OR4D9: variants seen among roughly 807,000 people sequenced by gnomAD.
The protein encoded by OR4D9 is olfactory receptor family 4 subfamily D member 9.
A neutral mutation model predicts 0.8 loss-of-function variants in OR4D9; 2 were observed. The observed-to-expected ratio is 2.58, with a 90% CI of 1.06 to 8.13. OR4D9 has a LOEUF of 8.13. Ranked by LOEUF, OR4D9 falls within the 30% of genes most tolerant of loss-of-function variation. The pLI is 0.04. For synonymous variants in OR4D9, 146 were observed against 151.2 expected (o/e 0.97, Z 0.25); for missense variants, 399 against 384.7 (o/e 1.04, Z -0.31).
rs1366113321 is a variant in OR4D9 at position 59,518,013 on chromosome 11, T to C, written c.*2156T>C. ...CTATACACAGTGATCTCACCACTCC[T>C]TTACCTGTGCCACTCAATCTATTAG... On this transcript the variant is annotated 3_prime_UTR_variant, in exon 3 of 3. Coordinates refer to ENST00000641962, the MANE Select transcript of OR4D9 (RefSeq NM_001004711.2). The C allele has an allele frequency of 6.6e-6, 1 of 152,146 alleles. No individual in the cohort carries two copies. The highest frequency in any genetic ancestry group is 1.5e-5 in the Non-Finnish European group (1 of 68,018). 9.4% of individuals were successfully genotyped at this position (152,146 alleles called of 1,614,324 possible).
rs186109629 is a variant in OR4D9 at position 59,517,323 on chromosome 11, T to A, written c.*1466T>A. ...AGATTGTGCCACATTTGTGTAACAG[T>A]GAACTCAGTGCAGCCATGGCGTAAT... is the stretch of plus-strand genomic sequence containing the variant. On this transcript the variant is annotated 3_prime_UTR_variant, in exon 3 of 3. Coordinates refer to ENST00000641962, the MANE Select transcript of OR4D9 (RefSeq NM_001004711.2). 4 of 151,820 alleles carry A rather than the reference T, an allele frequency of 2.6e-5. No homozygotes were observed. In the East Asian group the frequency reaches 7.7e-4, roughly 29 times the overall value. The allele number at this position is 151,820 out of a possible 1,614,324, so 9.4% of individuals were successfully genotyped here. A position where few individuals can be genotyped will look rare whatever the true frequency, so the allele number is the denominator to read the frequency against.
At position 59,517,064 on chromosome 11, in the gene OR4D9, G is replaced by A. The variant is rs1478833960; in HGVS notation, c.*1207G>A. 2.0e-5 allele frequency: 3 copies of A among 151,516 alleles called. No homozygotes were observed. Among genetic ancestry groups the A allele is most frequent in the African/African-American group, 7.3e-5 (3 of 41,210 alleles). 9.4% of individuals were successfully genotyped at this position (151,516 alleles called of 1,614,324 possible). On this transcript the variant is annotated 3_prime_UTR_variant, in exon 3 of 3. Coordinates refer to ENST00000641962, the MANE Select transcript of OR4D9 (RefSeq NM_001004711.2). ...AGCCTGGGCAACAGAGCAAGACTCTGTCCAAAAATAATAATAATAATTAAT... is the reference window on the plus strand; with the variant it reads ...AGCCTGGGCAACAGAGCAAGACTCTATCCAAAAATAATAATAATAATTAAT...
rs764746868 is a variant in OR4D9, at chr11:59,515,699, A to G, written c.787A>G (p.Thr263Ala). The G allele has an allele frequency of 1.2e-6, 2 of 1,614,036 alleles. No homozygotes were observed. The highest frequency in any genetic ancestry group is 4.5e-5 in the East Asian group (2 of 44,874). Residue 263 changes from threonine to alanine, a missense_variant, in exon 3 of 3, where the codon ACT (threonine) becomes GCT (alanine). Thr to Ala is a moderately conservative substitution (Grantham distance 58). Coordinates refer to ENST00000641962, the MANE Select transcript of OR4D9 (RefSeq NM_001004711.2). ...PCIYVYARPF[T>A]ALPTDTAISV... ...CATCTATGTCTATGCCCGGCCCTTC[A>G]CTGCCCTCCCCACAGACACTGCCAT...
In OR4D9 at chr11:59,518,213, A is replaced by G. The variant is rs530116044; in HGVS notation, c.*2356A>G. 4.6e-5 allele frequency: 7 copies of G among 152,362 alleles called. No individual in the cohort carries two copies. In the South Asian group the frequency reaches 1.5e-3, roughly 32 times the overall value. 9.4% of individuals were successfully genotyped at this position (152,362 alleles called of 1,614,324 possible). A position where few individuals can be genotyped will look rare whatever the true frequency, so the allele number is the denominator to read the frequency against. On this transcript the variant is annotated 3_prime_UTR_variant, in exon 3 of 3. Transcript: ENST00000641962. Reference sequence around the variant, plus strand: ...CATACTGTGTTCCCCACTATGATAAAGCTCAAGCCATAGCAGCTGGCACAC... The same window carrying G: ...CATACTGTGTTCCCCACTATGATAAGGCTCAAGCCATAGCAGCTGGCACAC...
chr11:59,514,163 A>G (rs1206707324), intron 1 of OR4D9, among the ~76,000 whole-genome samples: 6 of 152,224 alleles, frequency 3.9e-5, no homozygotes, highest in Non-Finnish European at 7.3e-5. Flanking sequence ...GTATAAAACT[A>G]TATTTATATA....
Position 59,519,309 on chromosome 11 carries a change from G to A in OR4D9, c.*3452G>A, listed in dbSNP as rs1378278607. ...GTCAAGGGTGCAGCGAGCCATGAAT[G>A]CCCCACCGTACTCCCACCTGGGCAA... On this transcript the variant is annotated 3_prime_UTR_variant, in exon 3 of 3. Transcript: ENST00000641962. 3.3e-5 allele frequency: 5 copies of A among 151,522 alleles called. No individual in the cohort carries two copies. Among genetic ancestry groups the A allele is most frequent in the Admixed American group, 1.3e-4 (2 of 15,140 alleles). The allele number at this position is 151,522 out of a possible 1,614,324, so 9.4% of individuals were successfully genotyped here.
At position 59,518,208 on chromosome 11, in the gene OR4D9, G is replaced by A. The variant is rs919783852; in HGVS notation, c.*2351G>A. On this transcript the variant is annotated 3_prime_UTR_variant, in exon 3 of 3. Transcript: ENST00000641962. ...TTCACCATACTGTGTTCCCCACTATGATAAAGCTCAAGCCATAGCAGCTGG... is the reference window on the plus strand; with the variant it reads ...TTCACCATACTGTGTTCCCCACTATAATAAAGCTCAAGCCATAGCAGCTGG... 3 of 152,222 alleles carry A rather than the reference G, an allele frequency of 2.0e-5. No homozygotes were observed. Among genetic ancestry groups the A allele is most frequent in the African/African-American group, 7.2e-5 (3 of 41,444 alleles). 9.4% of individuals were successfully genotyped at this position (152,222 alleles called of 1,614,324 possible). A position where few individuals can be genotyped will look rare whatever the true frequency, so the allele number is the denominator to read the frequency against.
At chr11:59,513,539 A>C (rs1395689546) in intron 1 of OR4D9, among the ~76,000 whole-genome samples, 1 of 152,220 alleles carries the variant, frequency 6.6e-6, no homozygotes, top group Admixed American at 6.5e-5. Context: ...TATAGTGTAA[A>C]TCATTCTCAT....
rs1859408061 is a variant in OR4D9, at chr11:59,516,531, G to T, written c.*674G>T. 1 of 151,924 alleles carries T rather than the reference G, an allele frequency of 6.6e-6. No individual in the cohort carries two copies. The allele number at this position is 151,924 out of a possible 1,614,324, so 9.4% of individuals were successfully genotyped here. On this transcript the variant is annotated 3_prime_UTR_variant, in exon 3 of 3. Coordinates refer to ENST00000641962, the MANE Select transcript of OR4D9 (RefSeq NM_001004711.2). ...AAAATAAATAAACAAAGTGCTAGGG[G>T]AACTGTAGCCACAATATTACTTGAG...
At position 59,518,336 on chromosome 11, in the gene OR4D9, C is replaced by A. The variant is rs1859431179; in HGVS notation, c.*2479C>A. 1 of 152,198 alleles carries A rather than the reference C, an allele frequency of 6.6e-6. No homozygotes were observed. Among genetic ancestry groups the A allele is most frequent in the Non-Finnish European group, 1.5e-5 (1 of 68,092 alleles). 9.4% of individuals were successfully genotyped at this position (152,198 alleles called of 1,614,324 possible). On this transcript the variant is annotated 3_prime_UTR_variant, in exon 3 of 3. Transcript: ENST00000641962. Reference sequence around the variant, plus strand: ...TTTACTTCTTGCTCATGTCACAGGCCAATGCTGGTCTGCAGAAAGAGGGCA... The same window carrying A: ...TTTACTTCTTGCTCATGTCACAGGCAAATGCTGGTCTGCAGAAAGAGGGCA...
rs1859415948 is a variant in OR4D9 at position 59,517,165 on chromosome 11, G to A, written c.*1308G>A. On this transcript the variant is annotated 3_prime_UTR_variant, in exon 3 of 3. Coordinates refer to ENST00000641962, the MANE Select transcript of OR4D9 (RefSeq NM_001004711.2). ...TACTTGAGAGACTGAGGCAGGAGAG[G>A]TTGAGGCTGCAGTGAGCCATGTTCA... 1 of 151,846 alleles carries A rather than the reference G, an allele frequency of 6.6e-6. No homozygotes were observed. The highest frequency in any genetic ancestry group is 2.4e-5 in the African/African-American group (1 of 41,298). 9.4% of individuals were successfully genotyped at this position (151,846 alleles called of 1,614,324 possible). A position where few individuals can be genotyped will look rare whatever the true frequency, so the allele number is the denominator to read the frequency against.
In OR4D9 at chr11:59,515,977, AAGTTATTCCATCATATATGTTGGGGAC is replaced by A; in HGVS notation, c.*121_*147del. 1 of 727,192 alleles carries A rather than the reference AAGTTATTCCATCATATATGTTGGGGAC, an allele frequency of 1.4e-6. No homozygotes were observed. The allele number at this position is 727,192 out of a possible 1,614,324, so 45.0% of individuals were successfully genotyped here. ...TATGGCCACCATCGAGTCCTAAAAG[AAGTTATTCCATCATATATGTTGGGGAC>A]CACGTGGATGATACTGCTCTAAGAC... On this transcript the variant is annotated 3_prime_UTR_variant, in exon 3 of 3. Transcript: ENST00000641962.
Position 59,515,089 on chromosome 11 carries a change from GTA to G in OR4D9, c.178_179del (p.Tyr60LeufsTer10). 6.2e-7 allele frequency: 1 copy of G among 1,614,124 alleles called. No individual in the cohort carries two copies. Among genetic ancestry groups the G allele is most frequent in the East Asian group, 2.2e-5 (1 of 44,872 alleles). On this transcript the variant is annotated frameshift_variant, in exon 3 of 3. Transcript: ENST00000641962. LOFTEE classifies it low-confidence loss of function (END_TRUNC). ...GTGAATCTCACCTTCATACGCCCAT[GTA>G]CTTCCTGCTCCGCAACCTGTCTATT... ...TCESHLHTPM[Y>X]FLLRNLSILD...
rs957958583 is a variant in OR4D9, at chr11:59,519,059, T to C, written c.*3202T>C. The C allele has an allele frequency of 6.6e-6, 1 of 152,138 alleles. No homozygotes were observed. The highest frequency in any genetic ancestry group is 2.4e-5 in the African/African-American group (1 of 41,436). 9.4% of individuals were successfully genotyped at this position (152,138 alleles called of 1,614,324 possible). A position where few individuals can be genotyped will look rare whatever the true frequency, so the allele number is the denominator to read the frequency against. ...AAAGGATTCTCTTAATACATAAAAATGTTTGCTACAGGGCTGGCTGCGGTG... is the reference window on the plus strand; with the variant it reads ...AAAGGATTCTCTTAATACATAAAAACGTTTGCTACAGGGCTGGCTGCGGTG... On this transcript the variant is annotated 3_prime_UTR_variant, in exon 3 of 3. Transcript: ENST00000641962.
intron 1 of OR4D9, among the ~76,000 whole-genome samples, chr11:59,512,783 G>A (rs1421530161): frequency 2.0e-5 from 3 of 151,910 alleles, no homozygotes; most frequent in South Asian, 2.1e-4. Context: ...AGTGAGCCAC[G>A]ACTGCACCAC....
In OR4D9 at chr11:59,515,995, T is replaced by C; in HGVS notation, c.*138T>C. ...CTAAAAGAAGTTATTCCATCATATA[T>C]GTTGGGGACCACGTGGATGATACTG... On this transcript the variant is annotated 3_prime_UTR_variant, in exon 3 of 3. Coordinates refer to ENST00000641962, the MANE Select transcript of OR4D9 (RefSeq NM_001004711.2). 1 of 655,056 alleles carries C rather than the reference T, an allele frequency of 1.5e-6. No homozygotes were observed. The highest frequency in any genetic ancestry group is 2.6e-6 in the Non-Finnish European group (1 of 390,068). The allele number at this position is 655,056 out of a possible 1,614,324, so 40.6% of individuals were successfully genotyped here. A position where few individuals can be genotyped will look rare whatever the true frequency, so the allele number is the denominator to read the frequency against.
chr11:59,515,410 C>A lies in OR4D9; in HGVS notation c.498C>A (p.Leu166=). Residue 166 remains leucine, a synonymous_variant, in exon 3 of 3, where the codon CTC becomes CTA. Coordinates refer to ENST00000641962, the MANE Select transcript of OR4D9 (RefSeq NM_001004711.2). Reference sequence around the variant, plus strand: ...CGCAGATTTCTCTATTGCTCCCACTCCCTTTCTGTGGACCCAATGTTCTTG... The same window carrying A: ...CGCAGATTTCTCTATTGCTCCCACTACCTTTCTGTGGACCCAATGTTCTTG... The part of the protein sequence containing the change: ...SIAQISLLLP[L]PFCGPNVLDT... 1.9e-6 allele frequency: 3 copies of A among 1,614,164 alleles called. No individual in the cohort carries two copies. Among genetic ancestry groups the A allele is most frequent in the Non-Finnish European group, 2.5e-6 (3 of 1,180,028 alleles).
Position 59,517,648 on chromosome 11 carries a change from G to A in OR4D9, c.*1791G>A, listed in dbSNP as rs1244451826. 6.6e-6 allele frequency: 1 copy of A among 152,148 alleles called. No individual in the cohort carries two copies. The allele number at this position is 152,148 out of a possible 1,614,324, so 9.4% of individuals were successfully genotyped here. On this transcript the variant is annotated 3_prime_UTR_variant, in exon 3 of 3. Coordinates refer to ENST00000641962, the MANE Select transcript of OR4D9 (RefSeq NM_001004711.2). Reference sequence around the variant, plus strand: ...AGATCGAGGCCAGCTTGACCAACATGGTGAAACCCCATTTCTACTAAAAAT... The same window carrying A: ...AGATCGAGGCCAGCTTGACCAACATAGTGAAACCCCATTTCTACTAAAAAT...
chr11:59,512,151 G>GT (rs1298383657), intron 1 of OR4D9, among the ~76,000 whole-genome samples: 2 of 152,132 alleles, frequency 1.3e-5, no homozygotes, highest in African/African-American at 4.8e-5. Flanking sequence ...ATCCTAGAAA[G>GT]TCAACTTAAT....
Sources: allele counts gnomAD v4.1 joint callset (sites outside exome capture counted in the v4.1 genomes callset), GRCh38; gene constraint gnomAD v4.1.1; transcripts MANE v1.5; gene names NCBI Gene and HGNC (gene_info 2026-07-23, HGNC 2026-07-21).